The following DDAH1 variants were observed in gnomAD, a reference collection of about 807,000 sequenced individuals.
The protein encoded by DDAH1 is N(G),N(G)-dimethylarginine dimethylaminohydrolase 1.
A neutral mutation model predicts 28.8 loss-of-function variants in DDAH1; 19 were observed. That is an observed-to-expected ratio of 0.66 (90% CI 0.46 to 0.97). DDAH1 has a LOEUF of 0.97. Among genes scored for constraint, DDAH1 ranks in the 50% least tolerant of loss-of-function variants. DDAH1 has a pLI of 0.00. For synonymous variants in DDAH1, 153 were observed against 154.4 expected, an observed-to-expected ratio of 0.99 and a Z score of 0.07; for missense variants, 326 against 375.9, an observed-to-expected ratio of 0.87 and a Z score of 1.10.
intron 1 of DDAH1, among the ~76,000 whole-genome samples, chr1:85,386,722 C>T (rs887111846): frequency 6.6e-6 from 1 of 152,122 alleles, no homozygotes; most frequent in African/African-American, 2.4e-5. Flanking sequence ...GGGGCTTTTA[C>T]CCTACATTTC....
At chr1:85,392,635 A>C (rs60176254) in intron 1 of DDAH1, among the ~76,000 whole-genome samples, 6,491 of 151,936 alleles carry the variant, frequency 0.043, 488 homozygotes, top group African/African-American at 0.15. Context: ...TGTACTAAAA[A>C]TACAAAAATT....
At chr1:85,515,762 G>C (rs1418704614) in intron 1 of DDAH1, among the ~76,000 whole-genome samples, 2 of 151,884 alleles carry the variant, frequency 1.3e-5, no homozygotes, top group Non-Finnish European at 1.5e-5. Flanking sequence ...TTAAAATTAA[G>C]GTTAGAAACT....
rs185328212 is a variant in DDAH1, at chr1:85,445,242, G to C, written c.303+19501C>G. On this transcript the variant is annotated intron_variant, in intron 1 of 5. Coordinates refer to ENST00000284031, the MANE Select transcript of DDAH1 (RefSeq NM_012137.4). ...TTGTATCCTTCAATCCAAGCAAGTTGACACTCAGTATTAAGCATCACAGGG... is the reference window on the plus strand; with the variant it reads ...TTGTATCCTTCAATCCAAGCAAGTTCACACTCAGTATTAAGCATCACAGGG... 2.2e-3 allele frequency among the ~76,000 whole-genome samples: 336 copies of C among 152,258 alleles called. 1 individual carries two copies. The highest frequency in any genetic ancestry group is 7.8e-3 in the African/African-American group (326 of 41,548).
Position 85,441,523 on chromosome 1 carries a change from G to A in DDAH1, c.303+23220C>T, listed in dbSNP as rs536691056. Among the ~76,000 whole-genome samples the A allele has an allele frequency of 9.7e-5, 13 of 134,086 alleles. No individual in the cohort carries two copies. The South Asian group carries it at 2.5e-3, about 25-fold the overall frequency. The allele number at this position is 134,086 out of a possible 152,430, so 88.0% of individuals were successfully genotyped here. A position where few individuals can be genotyped will look rare whatever the true frequency, so the allele number is the denominator to read the frequency against. On this transcript the variant is annotated intron_variant, in intron 1 of 5. Transcript: ENST00000284031. ...GCCACTGCACTCCAGCCTGGCGACAGAGTAAGACCCCATCTCAAAAAAGAA... is the reference window on the plus strand; with the variant it reads ...GCCACTGCACTCCAGCCTGGCGACAAAGTAAGACCCCATCTCAAAAAAGAA...
intron 4 of DDAH1, among the ~76,000 whole-genome samples, chr1:85,331,117 C>T (rs906235909): frequency 1.3e-5 from 2 of 152,182 alleles, no homozygotes; most frequent in Non-Finnish European, 2.9e-5. Context: ...TGGCTTTCAG[C>T]CCAAGAGAAT....
At chr1:85,359,382 G>A (rs568837257) in intron 1 of DDAH1, among the ~76,000 whole-genome samples, 1 of 152,162 alleles carries the variant, frequency 6.6e-6, no homozygotes, top group Admixed American at 6.5e-5. Context: ...ATTCTGACCA[G>A]TTAGCACACT....
At chr1:85,417,847 T>C (rs918720625) in intron 1 of DDAH1, among the ~76,000 whole-genome samples, 5 of 152,160 alleles carry the variant, frequency 3.3e-5, no homozygotes, top group Non-Finnish European at 7.4e-5. Context: ...ATTTGAAAAC[T>C]AAAAATAGGC....
intron 1 of DDAH1, among the ~76,000 whole-genome samples, chr1:85,518,467 C>T (rs1192937531): frequency 1.3e-5 from 2 of 152,174 alleles, no homozygotes; most frequent in Non-Finnish European, 2.9e-5. Flanking sequence ...TGACTATTAG[C>T]TGAGGGCTGC....
intron 1 of DDAH1, among the ~76,000 whole-genome samples, chr1:85,553,061 G>A (rs1277693578): frequency 6.6e-6 from 1 of 152,154 alleles, no homozygotes; most frequent in African/African-American, 2.4e-5. Flanking sequence ...CAACCACCCT[G>A]AGACTAAGGT....
intron 4 of DDAH1, among the ~76,000 whole-genome samples, chr1:85,333,626 T>C (rs1035450838): frequency 6.7e-6 from 1 of 149,782 alleles, no homozygotes; most frequent in African/African-American, 2.5e-5. Context: ...ACCAAGGAGA[T>C]AGACATATAA....
Position 85,350,540 on chromosome 1 carries a change from TGGAC to T in DDAH1, c.478-10_478-7del. Reference sequence around the variant, plus strand: ...ACTGTGGAGACTGCATAGTCCTACGTGGACAATAGAAAAACAAGCAGTTTAGTAT... The same window carrying T: ...ACTGTGGAGACTGCATAGTCCTACGTAATAGAAAAACAAGCAGTTTAGTAT... On this transcript the variant is annotated splice_region_variant and splice_polypyrimidine_tract_variant and intron_variant, in intron 3 of 5. Transcript: ENST00000284031. 6.2e-7 allele frequency: 1 copy of T among 1,610,790 alleles called. No homozygotes were observed. Among genetic ancestry groups the T allele is most frequent in the South Asian group, 1.1e-5 (1 of 90,382 alleles).
At chr1:85,540,821 G>A (rs535252418) in intron 1 of DDAH1, among the ~76,000 whole-genome samples, 15 of 152,126 alleles carry the variant, frequency 9.9e-5, no homozygotes, top group African/African-American at 2.9e-4. Context: ...TTAGCTGGGC[G>A]TGGTGGTGCA....
chr1:85,354,559 C>G (rs901191670), intron 2 of DDAH1, among the ~76,000 whole-genome samples: 23 of 151,982 alleles, frequency 1.5e-4, no homozygotes, highest in African/African-American at 5.3e-4. Flanking sequence ...AAATGAAATT[C>G]ATAAAGGAAA....
intron 1 of DDAH1, among the ~76,000 whole-genome samples, chr1:85,528,922 C>T (rs1175073466): frequency 2.3e-4 from 35 of 149,870 alleles, no homozygotes; most frequent in Admixed American, 8.0e-4. Context: ...TGCAGTGAGC[C>T]GAGATTGCAC....
At chr1:85,438,869 T>A (rs965627581) in intron 1 of DDAH1, among the ~76,000 whole-genome samples, 6 of 152,186 alleles carry the variant, frequency 3.9e-5, no homozygotes, top group Non-Finnish European at 8.8e-5. Flanking sequence ...TAACTTCTTA[T>A]GAGAAATTAG....
intron 1 of DDAH1, among the ~76,000 whole-genome samples, chr1:85,510,419 T>C (rs866469209): frequency 2.6e-5 from 4 of 152,108 alleles, no homozygotes; most frequent in Non-Finnish European, 5.9e-5. Flanking sequence ...AGACCATTGA[T>C]GCTATGAAGA....
At chr1:85,493,073 T>A (rs2100730353) in intron 2 of DDAH1, among the ~76,000 whole-genome samples, 1 of 152,174 alleles carries the variant, frequency 6.6e-6, no homozygotes, top group South Asian at 2.1e-4. Flanking sequence ...TTTATGATCA[T>A]CCTGGTATGA....
At chr1:85,343,621 T>TATA (rs1491339899) in intron 4 of DDAH1, among the ~76,000 whole-genome samples, 1 of 152,264 alleles carries the variant, frequency 6.6e-6, no homozygotes, top group Non-Finnish European at 1.5e-5. Context: ...GGCTACACAC[T>TATA]ATAATTCCCT....
At chr1:85,500,082 C>G (rs1266099918) in intron 1 of DDAH1, among the ~76,000 whole-genome samples, 1 of 143,918 alleles carries the variant, frequency 6.9e-6, no homozygotes, top group Non-Finnish European at 1.5e-5. Context: ...CTTTCCTTTC[C>G]TTCCTTCCTT....
Sources: gnomAD v4.1 joint callset for allele counts (sites outside exome capture counted in the v4.1 genomes callset) on GRCh38, gnomAD v4.1.1 for gene constraint, MANE v1.5 for transcripts, NCBI Gene and HGNC (gene_info 2026-07-23, HGNC 2026-07-21) for gene names.